The following RNF20 variants were observed in gnomAD, a reference collection of about 807,000 sequenced individuals.
RNF20 encodes E3 ubiquitin-protein ligase BRE1A.
RNF20 carries 84 observed loss-of-function variants against 126.2 expected under a neutral mutation model. The ratio of observed to expected loss-of-function variants is 0.67; its 90% CI spans 0.56 to 0.80. The LOEUF is 0.80. Ranked by LOEUF, RNF20 falls within the 30% of genes least tolerant of loss-of-function variation. The probability of loss-of-function intolerance (pLI) is 0.00; values close to 1 mark genes in which losing one functional copy is unlikely to be tolerated. For missense variants in RNF20, 869 were observed against 1,188.2 expected (o/e 0.73, Z 3.95); for synonymous variants, 400 against 414.3 (o/e 0.97, Z 0.42).
intron 1 of RNF20, among the ~76,000 whole-genome samples, chr9:101,534,900 C>T (rs1185545178): frequency 7.3e-5 from 11 of 151,170 alleles, no homozygotes; most frequent in Admixed American, 7.3e-4. Context: ...TAAATTTAGC[C>T]TTGACTTTCT....
rs544114552 is a variant in RNF20 at position 101,550,509 on chromosome 9, T to A, written c.1093-97T>A. ...AATAATCTTTATAAAATTGTCTCTC[T>A]TGTGTAGGACATCAGTGAGTTCAAA... On this transcript the variant is annotated intron_variant, in intron 9 of 19. Coordinates refer to ENST00000389120, the MANE Select transcript of RNF20 (RefSeq NM_019592.7). 4.3e-6 allele frequency: 4 copies of A among 940,736 alleles called. No homozygotes were observed. The African/African-American group carries it at 6.6e-5, about 16-fold the overall frequency. The allele number at this position is 940,736 out of a possible 1,614,324, so 58.3% of individuals were successfully genotyped here. A position where few individuals can be genotyped will look rare whatever the true frequency, so the allele number is the denominator to read the frequency against.
intron 9 of RNF20, among the ~76,000 whole-genome samples, chr9:101,550,148 A>G (rs1827419433): frequency 6.6e-6 from 1 of 152,242 alleles, no homozygotes; most frequent in Non-Finnish European, 1.5e-5. Flanking sequence ...ATAAAAAACA[A>G]AAACAACCTA....
chr9:101,560,088 T>A (rs1330138874), intron 16 of RNF20, among the ~76,000 whole-genome samples: 1 of 152,188 alleles, frequency 6.6e-6, no homozygotes, highest in Non-Finnish European at 1.5e-5. Flanking sequence ...TATGCTGATT[T>A]TGCTAGAGTT....
chr9:101,540,367 T>C lies in RNF20; in HGVS notation c.294T>C (p.Ser98=). Reference sequence around the variant, plus strand: ...TATTGATTGTCAACCGATACTGGAGTCAGGTAGCTAACTTGTTTATTTGTT... The same window carrying C: ...TATTGATTGTCAACCGATACTGGAGCCAGGTAGCTAACTTGTTTATTTGTT... ...ASLLIVNRYW[S]QFDENIRIIL... is the part of the protein sequence containing the mutation. The change falls in exon 3 of 20, where the codon AGT becomes AGC. Residue 98 remains serine, a synonymous_variant. Transcript: ENST00000389120. 5.6e-6 allele frequency: 9 copies of C among 1,613,926 alleles called. No homozygotes were observed. The highest frequency in any genetic ancestry group is 6.8e-6 in the Non-Finnish European group (8 of 1,179,900).
chr9:101,561,746 G>T (rs920919188), intron 18 of RNF20, among the ~76,000 whole-genome samples, 164 bp from the exon 19 acceptor site: 1 of 152,124 alleles, frequency 6.6e-6, no homozygotes, highest in African/African-American at 2.4e-5. Context: ...TGAAACAAAA[G>T]AAAATATCCT....
chr9:101,538,363 A>G (rs2118671888), intron 2 of RNF20, among the ~76,000 whole-genome samples: 1 of 152,294 alleles, frequency 6.6e-6, no homozygotes, highest in Middle Eastern at 3.4e-3. Flanking sequence ...GGTAGGTGCT[A>G]AGTCTTTGTG....
Position 101,554,103 on chromosome 9 carries a change from G to T in RNF20, c.2017G>T (p.Glu673Ter). The T allele has an allele frequency of 6.3e-7, 1 of 1,576,238 alleles. No individual in the cohort carries two copies. The highest frequency in any genetic ancestry group is 1.1e-5 in the South Asian group (1 of 90,228). ...LMAAEKKSKA[E>*]LEDLRQRLKD... Reference sequence around the variant, plus strand: ...GGCAGCTGAGAAGAAGTCTAAGGCAGAGGTATTCTAGTCTGCTATTACCTG... The same window carrying T: ...GGCAGCTGAGAAGAAGTCTAAGGCATAGGTATTCTAGTCTGCTATTACCTG... Residue 673 changes from glutamate (E) to a stop codon, truncating the protein, a stop_gained and splice_region_variant, in exon 14 of 20, where the codon GAG (glutamate) becomes TAG (stop). Transcript: ENST00000389120. LOFTEE classifies it high-confidence loss of function.
chr9:101,539,861 A>G, intron 2 of RNF20, among the ~76,000 whole-genome samples: 1 of 152,038 alleles, frequency 6.6e-6, no homozygotes, highest in East Asian at 1.9e-4. Flanking sequence ...TAATGAAGGA[A>G]GGATGGTGCT....
At chr9:101,535,300 G>C (rs756106724) in intron 1 of RNF20, 98 bp from the exon 2 acceptor site, 12 of 786,304 alleles carry the variant, frequency 1.5e-5, no homozygotes, top group Non-Finnish European at 2.0e-5. Context: ...CAGGTTAAAG[G>C]GTTGGCCAGA....
intron 16 of RNF20, among the ~76,000 whole-genome samples, chr9:101,559,399 T>C (rs1334306483): frequency 6.6e-6 from 1 of 152,188 alleles, no homozygotes; most frequent in East Asian, 1.9e-4. Context: ...TGGTTCCATA[T>C]GCGTTTTAGG....
chr9:101,535,322 T>G, intron 1 of RNF20, 76 bp from the exon 2 acceptor site: 8 of 1,219,874 alleles, frequency 6.6e-6, no homozygotes, highest in Non-Finnish European at 9.0e-6. Context: ...AAGTTGCTAG[T>G]TTTTACTCTA....
chr9:101,560,230 G>T (rs1447319016), intron 16 of RNF20, among the ~76,000 whole-genome samples: 1 of 152,156 alleles, frequency 6.6e-6, no homozygotes, highest in Non-Finnish European at 1.5e-5. Context: ...AACCATCCCT[G>T]TATCCCTGGT....
At chr9:101,546,275 C>T (rs1469630809) in intron 6 of RNF20, among the ~76,000 whole-genome samples, 6 of 151,966 alleles carry the variant, frequency 3.9e-5, no homozygotes, top group Non-Finnish European at 8.8e-5. Context: ...GTGTATAGCT[C>T]CTAAATAGAG....
In RNF20 at chr9:101,552,516, A is replaced by G. The variant is rs1827464767; in HGVS notation, c.1664A>G (p.Glu555Gly). 6.2e-7 allele frequency: 1 copy of G among 1,613,986 alleles called. No individual in the cohort carries two copies. The highest frequency in any genetic ancestry group is 1.3e-5 in the African/African-American group (1 of 74,918). ...TCCTCAGCTTCAAAGGCATCTCAGG[A>G]GGATGCCAATGAAATCAAGTCTAAA... is the stretch of plus-strand genomic sequence containing the variant. Reference protein sequence around the residue: ...SQSSASKASQEDANEIKSKRD... With the variant: ...SQSSASKASQGDANEIKSKRD... The change falls in exon 13 of 20, where the codon GAG becomes GGG. Residue 555 changes from glutamate to glycine, a missense_variant. Around this residue, in one of 8 missense-constraint regions of RNF20, gnomAD observed 231 missense variants for 263.6 expected, o/e 0.88. Transcript: ENST00000389120.
rs1827165533 is a variant in RNF20, at chr9:101,535,335, G to A, written c.-26-63G>A. On this transcript the variant is annotated intron_variant, in intron 1 of 19. Transcript: ENST00000389120. ...AAAAGTTGCTAGTTTTTACTCTATT[G>A]TTTTACTCTATTGTTGCTTTGCTTA... The A allele has an allele frequency of 1.5e-6, 2 of 1,375,966 alleles. 1 individual carries two copies. Among genetic ancestry groups the A allele is most frequent in the Admixed American group, 4.5e-5 (2 of 44,404 alleles). The allele number at this position is 1,375,966 out of a possible 1,614,324, so 85.2% of individuals were successfully genotyped here. A position where few individuals can be genotyped will look rare whatever the true frequency, so the allele number is the denominator to read the frequency against.
chr9:101,553,978 C>T lies in RNF20; in HGVS notation c.1902-10C>T. The T allele has an allele frequency of 6.5e-7, 1 of 1,532,338 alleles. No homozygotes were observed. The highest frequency in any genetic ancestry group is 1.1e-5 in the South Asian group (1 of 89,060). 94.9% of individuals were successfully genotyped at this position (1,532,338 alleles called of 1,614,324 possible). On this transcript the variant is annotated splice_polypyrimidine_tract_variant and intron_variant, in intron 13 of 19. Coordinates refer to ENST00000389120, the MANE Select transcript of RNF20 (RefSeq NM_019592.7). ...ACATTGTTCCCCTCCCTCTACTACG[C>T]CTGTCATAGGAAGGCACAGGAGAGC...
Position 101,561,245 on chromosome 9 carries a change from C to T in RNF20, c.2649+15C>T, listed in dbSNP as rs567496408. 3.1e-6 allele frequency: 5 copies of T among 1,612,552 alleles called. No individual in the cohort carries two copies. In the Admixed American group the frequency reaches 6.7e-5, roughly 22 times the overall value. On this transcript the variant is annotated intron_variant, in intron 18 of 19. Transcript: ENST00000389120. ...AACGAGCCCAGGTAAAAGCAGTTGT[C>T]TTTTCTTGTCACCTTTTAGGTGTTT...
chr9:101,541,827 G>C (rs1255685947), intron 5 of RNF20, among the ~76,000 whole-genome samples: 1 of 152,152 alleles, frequency 6.6e-6, no homozygotes, highest in Non-Finnish European at 1.5e-5. Context: ...ATGGATGAAA[G>C]AGTATTTGAA....
In RNF20 at chr9:101,552,369, C is replaced by T; in HGVS notation, c.1531-14C>T. The T allele has an allele frequency of 1.2e-6, 2 of 1,605,688 alleles. No homozygotes were observed. The highest frequency in any genetic ancestry group is 1.7e-6 in the Non-Finnish European group (2 of 1,174,620). ...CATAAGAGATGTGCATCTTTCTTTT[C>T]TTTATTCTCCCAGACACGCCTGCGT... On this transcript the variant is annotated splice_polypyrimidine_tract_variant and intron_variant, in intron 12 of 19. Coordinates refer to ENST00000389120, the MANE Select transcript of RNF20 (RefSeq NM_019592.7).
Sources: allele counts gnomAD v4.1 joint callset (sites outside exome capture counted in the v4.1 genomes callset), GRCh38; gene constraint gnomAD v4.1.1; regional missense constraint gnomAD v4.1.1; transcripts MANE v1.5; gene names NCBI Gene and HGNC (gene_info 2026-07-23, HGNC 2026-07-21).